ZNF419: variants seen among roughly 807,000 people sequenced by gnomAD.
The protein encoded by ZNF419 is zinc finger protein 419A.
ZNF419 carries 8 observed loss-of-function variants against 14.9 expected under a neutral mutation model. That is an observed-to-expected ratio of 0.54 (90% CI 0.32 to 0.97). The LOEUF is 0.97. ZNF419 is among the 50% of genes least tolerant of loss of function. The pLI, the probability that ZNF419 is intolerant of heterozygous loss-of-function variation, is 0.04. For synonymous variants in ZNF419, 211 were observed against 205.3 expected (o/e 1.03, Z -0.24); for missense variants, 595 against 607.2 (o/e 0.98, Z 0.21).
At chr19:57,489,655 A>G (rs1379473955) in intron 1 of ZNF419, 4 of 155,008 alleles carry the variant, frequency 2.6e-5, no homozygotes, top group Admixed American at 2.6e-4. Context: ...ACGCTCAGCT[A>G]ATTTTTATAT....
chr19:57,491,744 G>T, intron 3 of ZNF419, 147 bp downstream of exon 3: 4 of 1,171,736 alleles, frequency 3.4e-6, no homozygotes, highest in Non-Finnish European at 4.9e-6. Context: ...AATAGGCCTG[G>T]GCTGTGTATA....
rs537525956 is a variant in ZNF419, at chr19:57,493,930, A to G, written c.1373A>G (p.Asn458Ser). The G allele has an allele frequency of 3.2e-5, 51 of 1,614,084 alleles. No homozygotes were observed. In the South Asian group the frequency reaches 5.4e-4, roughly 17 times the overall value. The change falls in exon 5 of 5, where the codon AAT becomes AGT. Residue 458 changes from asparagine (N) to serine (S), a missense_variant. Asn to Ser is a conservative substitution (Grantham distance 46). Coordinates refer to ENST00000221735, the MANE Select transcript of ZNF419 (RefSeq NM_024691.4). ...VHIGEKPFKC[N>S]ECGRLFRENS... ...ATTGGAGAAAAGCCTTTTAAGTGCA[A>G]TGAATGTGGGAGATTGTTTAGAGAG...
chr19:57,493,334 C>A lies in ZNF419; in HGVS notation c.777C>A (p.Tyr259Ter). ...HQIVHTGERP[Y>*]GCSNCGKSFS... ...TAGTTCACACTGGAGAAAGGCCTTA[C>A]GGGTGTAGTAACTGTGGAAAATCCT... The change falls in exon 5 of 5, where the codon TAC becomes TAA. Residue 259 changes from tyrosine to a stop codon, truncating the protein, a stop_gained. Coordinates refer to ENST00000221735, the MANE Select transcript of ZNF419 (RefSeq NM_024691.4). LOFTEE classifies it low-confidence loss of function (END_TRUNC). The A allele has an allele frequency of 3.1e-6, 5 of 1,613,740 alleles. No individual in the cohort carries two copies. Among genetic ancestry groups the A allele is most frequent in the Non-Finnish European group, 4.2e-6 (5 of 1,179,926 alleles).
In ZNF419 at chr19:57,494,314, T is replaced by C; in HGVS notation, c.*224T>C. 1.6e-6 allele frequency: 1 copy of C among 629,842 alleles called. No individual in the cohort carries two copies. The highest frequency in any genetic ancestry group is 2.9e-5 in the East Asian group (1 of 34,320). The allele number at this position is 629,842 out of a possible 1,614,324, so 39.0% of individuals were successfully genotyped here. On this transcript the variant is annotated 3_prime_UTR_variant, in exon 5 of 5. Transcript: ENST00000221735. ...GAAAGTTTACACTGGAGAAAGGCCT[T>C]AGGGTGACAGGTTATGTACTGTCTC...
chr19:57,489,520 G>A (rs1224940327), intron 1 of ZNF419: 3 of 62,474 alleles, frequency 4.8e-5, no homozygotes, highest in African/African-American at 1.3e-4. Flanking sequence ...ACAGAGTTTC[G>A]CTTTTGTTGC....
At chr19:57,492,409 G>C in intron 4 of ZNF419, 198 bp downstream of exon 4, 1 of 791,036 alleles carries the variant, frequency 1.3e-6, no homozygotes. Flanking sequence ...GTTTCACCCA[G>C]TCATCAGCAG....
In ZNF419 at chr19:57,493,862, T is replaced by G. The variant is rs754518958; in HGVS notation, c.1305T>G (p.Phe435Leu). The G allele has an allele frequency of 7.4e-6, 12 of 1,613,788 alleles. No homozygotes were observed. Among genetic ancestry groups the G allele is most frequent in the Middle Eastern group, 1.6e-4 (1 of 6,082 alleles). Residue 435 changes from phenylalanine to leucine, a missense_variant, in exon 5 of 5, where the codon TTT becomes TTG. Coordinates refer to ENST00000221735, the MANE Select transcript of ZNF419 (RefSeq NM_024691.4). ...KPYECRECGK[F>L]FSQSSTLMQH... ...ATGAGTGCAGGGAATGTGGGAAATT[T>G]TTTAGCCAAAGCTCAACCCTCATGC... is the stretch of plus-strand genomic sequence containing the variant.
At chr19:57,492,337 C>T (rs1450243372) in intron 4 of ZNF419, 126 bp downstream of exon 4, 11 of 1,102,150 alleles carry the variant, frequency 1.0e-5, no homozygotes, top group Non-Finnish European at 1.5e-5. Context: ...CTTCCTTAGT[C>T]ACCCATTTAT....
rs112712302 is a variant in ZNF419 at position 57,487,780 on chromosome 19, A to G, written c.-171A>G. 3.0e-3 allele frequency: 2,704 copies of G among 890,272 alleles called. 50 individuals carry two copies. The African/African-American group carries it at 0.037, about 12-fold the overall frequency. The allele number at this position is 890,272 out of a possible 1,614,324, so 55.1% of individuals were successfully genotyped here. The stretch of plus-strand genomic sequence containing the variant: ...TCACTTTCGCGACTCAGGTGAACTA[A>G]CCTGCGAGAAGCTGGTTGTGCGCTG... On this transcript the variant is annotated 5_prime_UTR_variant, in exon 1 of 5. Coordinates refer to ENST00000221735, the MANE Select transcript of ZNF419 (RefSeq NM_024691.4).
intron 1 of ZNF419, chr19:57,488,937 G>A (rs1460113691): frequency 5.2e-5 from 8 of 152,552 alleles, no homozygotes; most frequent in Non-Finnish European, 8.8e-5. Context: ...CTGCCGGAAT[G>A]GAGGGTTATA....
chr19:57,491,297 A>T, intron 2 of ZNF419, 174 bp from the exon 3 acceptor site: 1 of 905,606 alleles, frequency 1.1e-6, no homozygotes, highest in Non-Finnish European at 1.7e-6. Context: ...CTACCTGCCT[A>T]TTGTTGCTCA....
Position 57,492,868 on chromosome 19 carries a change from G to C in ZNF419, c.311G>C (p.Gly104Ala). 1.9e-6 allele frequency: 3 copies of C among 1,613,478 alleles called. No homozygotes were observed. The highest frequency in any genetic ancestry group is 2.5e-6 in the Non-Finnish European group (3 of 1,179,634). Residue 104 changes from glycine to alanine, a missense_variant, in exon 5 of 5, where the codon GGA (glycine) becomes GCA (alanine). Transcript: ENST00000221735. The part of the protein sequence containing the change: ...TSAIPRGCWH[G>A]AEAEEAPEQI... ...TATCTTCTGTCAGGTTGTTGGCATG[G>C]AGCCGAGGCTGAGGAGGCTCCTGAG...
Position 57,493,598 on chromosome 19 carries a change from A to T in ZNF419, c.1041A>T (p.Glu347Asp). ...HTGERPYKCS[E>D]CGKFYSHKSN... ...GAGAAAGACCTTATAAGTGCAGTGA[A>T]TGTGGAAAATTCTATAGCCACAAGT... The change falls in exon 5 of 5, where the codon GAA (glutamate) becomes GAT (aspartate). Residue 347 changes from glutamate to aspartate, a missense_variant. Glu to Asp is a conservative substitution (Grantham distance 45). Transcript: ENST00000221735. 2 of 1,613,606 alleles carry T rather than the reference A, an allele frequency of 1.2e-6. No homozygotes were observed. Among genetic ancestry groups the T allele is most frequent in the South Asian group, 2.2e-5 (2 of 91,058 alleles).
In ZNF419 at chr19:57,494,061, C is replaced by T. The variant is rs780492256; in HGVS notation, c.1504C>T (p.Arg502Ter). 23 of 1,610,204 alleles carry T rather than the reference C, an allele frequency of 1.4e-5. No individual in the cohort carries two copies. The highest frequency in any genetic ancestry group is 6.7e-5 in the African/African-American group (5 of 74,664). Residue 502 changes from arginine to a stop codon, truncating the protein, a stop_gained, in exon 5 of 5, where the codon CGA becomes TGA. Coordinates refer to ENST00000221735, the MANE Select transcript of ZNF419 (RefSeq NM_024691.4). LOFTEE classifies it low-confidence loss of function (END_TRUNC). ...FRHNSSLFKHRRIHTGEMQ is the reference protein window; with the variant it reads ...FRHNSSLFKH ...CCACAACTCCAGTCTTTTTAAACAT[C>T]GAAGGATTCACACTGGAGAAATGCA... is the stretch of plus-strand genomic sequence containing the variant.
At position 57,494,012 on chromosome 19, in the gene ZNF419, C is replaced by A. The variant is rs766215980; in HGVS notation, c.1455C>A (p.Cys485Ter). ...RVHTGAKPYE[C>*]RECGKFFRHN... Reference sequence around the variant, plus strand: ...ACACTGGAGCAAAGCCTTATGAGTGCAGGGAATGTGGGAAGTTTTTTCGCC... The same window carrying A: ...ACACTGGAGCAAAGCCTTATGAGTGAAGGGAATGTGGGAAGTTTTTTCGCC... Residue 485 changes from cysteine (C) to a stop codon, truncating the protein, a stop_gained, in exon 5 of 5, where the codon TGC (cysteine) becomes TGA (stop). Transcript: ENST00000221735. LOFTEE classifies it low-confidence loss of function (END_TRUNC). 6.2e-6 allele frequency: 10 copies of A among 1,613,772 alleles called. No homozygotes were observed. Among genetic ancestry groups the A allele is most frequent in the Non-Finnish European group, 8.5e-7 (1 of 1,179,966 alleles).
Position 57,496,006 on chromosome 19 carries a change from G to A in ZNF419, c.*1916G>A, listed in dbSNP as rs924650510. 6.6e-6 allele frequency: 1 copy of A among 152,144 alleles called. No individual in the cohort carries two copies. The highest frequency in any genetic ancestry group is 1.5e-5 in the Non-Finnish European group (1 of 68,016). 9.4% of individuals were successfully genotyped at this position (152,144 alleles called of 1,614,324 possible). ...AAAGGAACCAGAACTCCTTAGAGAA[G>A]AGGCTGTTTTCAAGTTGTGGCAGAA... On this transcript the variant is annotated 3_prime_UTR_variant, in exon 5 of 5. Coordinates refer to ENST00000221735, the MANE Select transcript of ZNF419 (RefSeq NM_024691.4).
At position 57,487,795 on chromosome 19, in the gene ZNF419, G is replaced by A. The variant is rs551208415; in HGVS notation, c.-156G>A. ...AGGTGAACTAACCTGCGAGAAGCTG[G>A]TTGTGCGCTGAGGCGACCAGCGCCG... On this transcript the variant is annotated 5_prime_UTR_variant, in exon 1 of 5. Coordinates refer to ENST00000221735, the MANE Select transcript of ZNF419 (RefSeq NM_024691.4). 109 of 1,051,122 alleles carry A rather than the reference G, an allele frequency of 1.0e-4. No homozygotes were observed. In the Middle Eastern group the frequency reaches 1.5e-3, roughly 14 times the overall value. The allele number at this position is 1,051,122 out of a possible 1,614,324, so 65.1% of individuals were successfully genotyped here.
In ZNF419 at chr19:57,493,302, C is replaced by A; in HGVS notation, c.745C>A (p.His249Asn). The A allele has an allele frequency of 6.2e-7, 1 of 1,614,234 alleles. No individual in the cohort carries two copies. Among genetic ancestry groups the A allele is most frequent in the South Asian group, 1.1e-5 (1 of 91,082 alleles). Reference sequence around the variant, plus strand: ...TAGAGATATGTCCAACCTTTTTATACACCAAATAGTTCACACTGGAGAAAG... The same window carrying A: ...TAGAGATATGTCCAACCTTTTTATAAACCAAATAGTTCACACTGGAGAAAG... ...LFRDMSNLFI[H>N]QIVHTGERPY... The change falls in exon 5 of 5, where the codon CAC becomes AAC. Residue 249 changes from histidine to asparagine, a missense_variant. His to Asn is a moderately conservative substitution (Grantham distance 68). Coordinates refer to ENST00000221735, the MANE Select transcript of ZNF419 (RefSeq NM_024691.4).
intron 1 of ZNF419, 175 bp downstream of exon 1, chr19:57,488,158 G>A (rs1160223128): frequency 1.7e-5 from 17 of 996,068 alleles, no homozygotes; most frequent in Non-Finnish European, 2.2e-5. Context: ...GATGTGAGGC[G>A]CATTCAGCGA....
Sources: allele counts gnomAD v4.1 joint callset, GRCh38; gene constraint gnomAD v4.1.1; transcripts MANE v1.5; gene names NCBI Gene and HGNC (gene_info 2026-07-23, HGNC 2026-07-21).